GATAD2A: variants seen among roughly 807,000 people sequenced by gnomAD.
GATAD2A encodes the protein transcriptional repressor p66-alpha.
A neutral mutation model predicts 68.5 loss-of-function variants in GATAD2A; 12 were observed. That is an observed-to-expected ratio of 0.18 (90% CI 0.11 to 0.28). The LOEUF (loss-of-function observed/expected upper bound fraction) is 0.28, where lower values mean the gene tolerates loss of function less well. Ranked by LOEUF, GATAD2A falls within the 10% of genes least tolerant of loss-of-function variation. The pLI is 1.00. For missense variants in GATAD2A, 755 were observed against 868.5 expected (o/e 0.87, Z 1.64); for synonymous variants, 410 against 375.3 (o/e 1.09, Z -1.07).
At chr19:19,404,894 G>A (rs1342213023), upstream of GATAD2A, among the ~76,000 whole-genome samples, 1 of 152,112 alleles carries the variant, frequency 6.6e-6, no homozygotes, top group Non-Finnish European at 1.5e-5. Flanking sequence ...CCTGATTTTG[G>A]TATTGAGAGC....
chr19:19,491,032 T>TG (rs1345322618), intron 2 of GATAD2A, among the ~76,000 whole-genome samples: 1 of 152,162 alleles, frequency 6.6e-6, no homozygotes, highest in Non-Finnish European at 1.5e-5. Context: ...TGTTCAGCCT[T>TG]GCGCCTTCAG....
intron 1 of GATAD2A, among the ~76,000 whole-genome samples, chr19:19,452,616 A>G (rs1246798393): frequency 6.6e-6 from 1 of 151,444 alleles, no homozygotes; most frequent in East Asian, 2.0e-4. Flanking sequence ...GAATTGAAGG[A>G]CCAAGGCAGG....
At chr19:19,412,125 TTCTC>T (rs931860124) in intron 1 of GATAD2A, among the ~76,000 whole-genome samples, 6 of 151,808 alleles carry the variant, frequency 4.0e-5, no homozygotes, top group Non-Finnish European at 5.9e-5. Flanking sequence ...CCGCTTTTTT[TTCTC>T]TCTCTTTTTT....
intron 8 of GATAD2A, among the ~76,000 whole-genome samples, chr19:19,499,398 G>T (rs979431602): frequency 1.3e-5 from 2 of 152,110 alleles, no homozygotes; most frequent in African/African-American, 4.8e-5. Flanking sequence ...CCTGGTGACT[G>T]CATCAGACTC....
chr19:19,467,617 T>C (rs79773758), intron 2 of GATAD2A, among the ~76,000 whole-genome samples: 2 of 152,206 alleles, frequency 1.3e-5, no homozygotes, highest in Non-Finnish European at 2.9e-5. Flanking sequence ...TATAGTATTT[T>C]GTTTATAGAG....
At chr19:19,454,531 G>A (rs1447703919) in intron 1 of GATAD2A, among the ~76,000 whole-genome samples, 4 of 151,762 alleles carry the variant, frequency 2.6e-5, no homozygotes, top group Non-Finnish European at 2.9e-5. Context: ...CCTGGGAGGC[G>A]GAGGTTGCAG....
intron 2 of GATAD2A, among the ~76,000 whole-genome samples, chr19:19,479,906 C>T (rs1163380329): frequency 1.4e-5 from 2 of 140,448 alleles, no homozygotes; most frequent in Non-Finnish European, 3.0e-5. Flanking sequence ...GGCATGATCT[C>T]GGCTCACTGC....
At chr19:19,483,943 G>A (rs866855467) in intron 2 of GATAD2A, among the ~76,000 whole-genome samples, 1 of 152,028 alleles carries the variant, frequency 6.6e-6, no homozygotes, top group Middle Eastern at 3.4e-3. Context: ...CCTCAGTTTT[G>A]GGGCACAGCC....
At chr19:19,459,528 A>G (rs965789220) in intron 1 of GATAD2A, among the ~76,000 whole-genome samples, 11 of 152,232 alleles carry the variant, frequency 7.2e-5, no homozygotes, top group Non-Finnish European at 1.6e-4. Flanking sequence ...TTTTGAGTCC[A>G]GCCTGGGCAA....
intron 1 of GATAD2A, among the ~76,000 whole-genome samples, chr19:19,458,862 G>A (rs1401895039): frequency 6.6e-6 from 1 of 152,190 alleles, no homozygotes; most frequent in Admixed American, 6.5e-5. Context: ...AGTCCTATGC[G>A]TTGGAGTATT....
chr19:19,387,113 C>T (rs1324670694), intron 1 of GATAD2A, among the ~76,000 whole-genome samples: 1 of 152,108 alleles, frequency 6.6e-6, no homozygotes, highest in Non-Finnish European at 1.5e-5. Context: ...TATCCTCACT[C>T]CTCTAAGGAG....
At chr19:19,407,386 C>T (rs1340750724) in intron 1 of GATAD2A, among the ~76,000 whole-genome samples, 1 of 152,238 alleles carries the variant, frequency 6.6e-6, no homozygotes. Flanking sequence ...AGCTCCCCTG[C>T]ACAGACATAT....
At chr19:19,453,270 A>G (rs7258488) in intron 1 of GATAD2A, among the ~76,000 whole-genome samples, 1,621 of 152,256 alleles carry the variant, frequency 0.011, 27 homozygotes, top group African/African-American at 0.038. Flanking sequence ...ACTGGGTTAA[A>G]GTTTCATCCA....
intron 10 of GATAD2A, 84 bp downstream of exon 10, chr19:19,502,127 TTC>T: frequency 9.5e-7 from 1 of 1,049,376 alleles, no homozygotes; most frequent in South Asian, 1.3e-5. Context: ...ACGCTGCCTC[TTC>T]TGTCTGTCTC....
intron 2 of GATAD2A, among the ~76,000 whole-genome samples, chr19:19,491,975 G>A (rs1465763947): frequency 6.6e-6 from 1 of 152,214 alleles, no homozygotes; most frequent in South Asian, 2.1e-4. Flanking sequence ...TACCTGATCC[G>A]AGGCACACGG....
intron 1 of GATAD2A, chr19:19,435,051 C>T (rs1267619422): frequency 1.9e-6 from 1 of 527,542 alleles, no homozygotes; most frequent in Non-Finnish European, 3.9e-6. Context: ...CTGCGTGCTG[C>T]CTGTGTGCTC....
intron 1 of GATAD2A, among the ~76,000 whole-genome samples, chr19:19,423,802 G>A (rs982046699): frequency 6.6e-6 from 1 of 152,174 alleles, no homozygotes; most frequent in Non-Finnish European, 1.5e-5. Context: ...CCCTAAACTG[G>A]ACTTGGAGGT....
In GATAD2A at chr19:19,465,609, A is replaced by G; in HGVS notation, c.264A>G (p.Ser88=). 6.2e-7 allele frequency: 1 copy of G among 1,606,926 alleles called. No individual in the cohort carries two copies. Among genetic ancestry groups the G allele is most frequent in the Non-Finnish European group, 8.5e-7 (1 of 1,176,874 alleles). ...VGDGPVDMRT[S]HSDMKSERRP... ...ATGGGCCCGTGGACATGCGCACCTCACACAGGTGAGTGGGAGGAGCCAGCG... is the reference window on the plus strand; with the variant it reads ...ATGGGCCCGTGGACATGCGCACCTCGCACAGGTGAGTGGGAGGAGCCAGCG... Residue 88 remains serine (S), a synonymous_variant, in exon 2 of 12, where the codon TCA becomes TCG. Coordinates refer to ENST00000683918, the MANE Select transcript of GATAD2A (RefSeq NM_001384528.1).
chr19:19,462,573 G>A (rs528547500), intron 1 of GATAD2A, among the ~76,000 whole-genome samples: 7 of 152,350 alleles, frequency 4.6e-5, no homozygotes, highest in African/African-American at 1.7e-4. Context: ...GCTTCATAGT[G>A]AGCTGCTGTG....
Sources: gnomAD v4.1 joint callset for allele counts (sites outside exome capture counted in the v4.1 genomes callset) on GRCh38, gnomAD v4.1.1 for gene constraint, MANE v1.5 for transcripts, NCBI Gene and HGNC (gene_info 2026-07-23, HGNC 2026-07-21) for gene names.